PDLIM5: variants seen among roughly 807,000 people sequenced by gnomAD.
PDLIM5 encodes PDZ and LIM domain protein 5.
In PDLIM5, 34 loss-of-function variants were observed where a neutral mutation model predicts 64.2. That is an observed-to-expected ratio of 0.53 (90% CI 0.40 to 0.71). The LOEUF (loss-of-function observed/expected upper bound fraction) is 0.71. Among genes scored for constraint, PDLIM5 ranks in the 30% least tolerant of loss-of-function variants. The probability of loss-of-function intolerance (pLI) is 0.00; values close to 1 mark genes in which losing one functional copy is unlikely to be tolerated. For synonymous variants in PDLIM5, 253 were observed against 269.1 expected (o/e 0.94, Z 0.59); for missense variants, 683 against 733.6 (o/e 0.93, Z 0.80).
At chr4:94,593,108 T>A (rs1031480511) in intron 7 of PDLIM5, among the ~76,000 whole-genome samples, 4 of 152,162 alleles carry the variant, frequency 2.6e-5, no homozygotes, top group African/African-American at 9.7e-5. Flanking sequence ...CTACCGAAGT[T>A]TGAGCTCTTT....
intron 2 of PDLIM5, among the ~76,000 whole-genome samples, chr4:94,501,075 C>T (rs563924070): frequency 7.9e-6 from 1 of 126,308 alleles, no homozygotes; most frequent in Admixed American, 7.6e-5. Context: ...AGCCACTATA[C>T]CTGGCCTTTT....
rs530167915 is a variant in PDLIM5 at position 94,455,632 on chromosome 4, A to G, written c.96+248A>G. 7.7e-5 allele frequency: 53 copies of G among 685,440 alleles called. No individual in the cohort carries two copies. In the African/African-American group the frequency reaches 9.0e-4, roughly 12 times the overall value. The allele number at this position is 685,440 out of a possible 1,614,324, so 42.5% of individuals were successfully genotyped here. A position where few individuals can be genotyped will look rare whatever the true frequency, so the allele number is the denominator to read the frequency against. ...AATAAAATGGAAAAAGCATTTAACT[A>G]GGAACAGACTGTACATTTTTGAACT... On this transcript the variant is annotated intron_variant, in intron 2 of 12. Coordinates refer to ENST00000317968, the MANE Select transcript of PDLIM5 (RefSeq NM_006457.5).
In PDLIM5 at chr4:94,500,463, G is replaced by A. The variant is rs2110081225; in HGVS notation, c.97-23261G>A. On this transcript the variant is annotated intron_variant, in intron 2 of 12. Transcript: ENST00000317968. ...ATATTTGGCCTCAGGAAAGTTTTAT[G>A]TAAGTTATACAGGCATTTTTCATTT... 2.6e-5 allele frequency among the ~76,000 whole-genome samples: 4 copies of A among 152,252 alleles called. No individual in the cohort carries two copies. The South Asian group carries it at 8.3e-4, about 32-fold the overall frequency.
At chr4:94,518,234 A>T (rs1166376507) in intron 2 of PDLIM5, among the ~76,000 whole-genome samples, 1 of 152,194 alleles carries the variant, frequency 6.6e-6, no homozygotes, top group Non-Finnish European at 1.5e-5. Flanking sequence ...TATAATTTTT[A>T]AAAATGAAAG....
chr4:94,536,062 A>G (rs1320710467), intron 3 of PDLIM5, among the ~76,000 whole-genome samples: 7 of 152,122 alleles, frequency 4.6e-5, no homozygotes, highest in Non-Finnish European at 7.4e-5. Context: ...TCACTGGTAA[A>G]AACTTAAAAC....
intron 7 of PDLIM5, among the ~76,000 whole-genome samples, chr4:94,596,126 T>C (rs928395762): frequency 2.6e-5 from 4 of 152,212 alleles, no homozygotes; most frequent in Non-Finnish European, 5.9e-5. Flanking sequence ...CTTCAGTTCC[T>C]TGTGAGACTA....
At chr4:94,473,555 T>G (rs1725064729) in intron 2 of PDLIM5, among the ~76,000 whole-genome samples, 1 of 152,216 alleles carries the variant, frequency 6.6e-6, no homozygotes, top group Non-Finnish European at 1.5e-5. Flanking sequence ...CCACCGCGCC[T>G]GGCCCAGATG....
At chr4:94,610,965 C>T (rs1738316460) in intron 7 of PDLIM5, 2 of 788,480 alleles carry the variant, frequency 2.5e-6, no homozygotes, top group Admixed American at 2.3e-5. Context: ...TCTCCCCACC[C>T]TCTCTCTCGT....
chr4:94,618,313 A>G (rs1310081880), intron 8 of PDLIM5, 122 bp downstream of exon 8: 3 of 565,166 alleles, frequency 5.3e-6, no homozygotes, highest in Non-Finnish European at 6.0e-6. Flanking sequence ...AGATTTAGAA[A>G]GGACTATCAG....
At chr4:94,648,683 C>T (rs1339665847) in intron 9 of PDLIM5, among the ~76,000 whole-genome samples, 4 of 152,228 alleles carry the variant, frequency 2.6e-5, no homozygotes, top group Admixed American at 6.5e-5. Flanking sequence ...ATCATGGTGT[C>T]AGCTGAGCTG....
chr4:94,452,235 G>A (rs1393339476), intron 1 of PDLIM5, among the ~76,000 whole-genome samples: 1 of 152,178 alleles, frequency 6.6e-6, no homozygotes, highest in African/African-American at 2.4e-5. Context: ...AGGCCAGAGG[G>A]CGAGCCCTGG....
chr4:94,662,678 A>C, intron 12 of PDLIM5, 141 bp downstream of exon 12: 2 of 461,682 alleles, frequency 4.3e-6, no homozygotes, highest in Non-Finnish European at 7.8e-6. Context: ...GTAAATTTCG[A>C]AAGTTGTTTA....
At position 94,621,070 on chromosome 4, in the gene PDLIM5, CAAAAAAAAA is replaced by C. The variant is rs10526750; in HGVS notation, c.1108+2899_1108+2907del. Reference sequence around the variant, plus strand: ...TGGGTGGCAGAGTGAGACTCTGTCTCAAAAAAAAAAAAAAAAAAAAAAAAAAAAGCTAGA... The same window carrying C: ...TGGGTGGCAGAGTGAGACTCTGTCTCAAAAAAAAAAAAAAAAAAAGCTAGA... On this transcript the variant is annotated intron_variant, in intron 8 of 12. Transcript: ENST00000317968. Among the ~76,000 whole-genome samples, 388 of 81,606 alleles carry C rather than the reference CAAAAAAAAA, an allele frequency of 4.8e-3. 6 individuals are homozygous for C. The East Asian group carries it at 0.073, about 15-fold the overall frequency. 53.5% of individuals were successfully genotyped at this position (81,606 alleles called of 152,430 possible).
At chr4:94,583,718 G>T (rs73837447) in intron 5 of PDLIM5, among the ~76,000 whole-genome samples, 95 of 152,128 alleles carry the variant, frequency 6.2e-4, no homozygotes, top group African/African-American at 2.2e-3. Context: ...TATTTTTTAT[G>T]ATTTTTTGCA....
At chr4:94,581,596 T>C (rs1454565168) in intron 5 of PDLIM5, among the ~76,000 whole-genome samples, 2 of 152,204 alleles carry the variant, frequency 1.3e-5, no homozygotes, top group African/African-American at 4.8e-5. Context: ...TCTGAGTTTA[T>C]GAAACTGATT....
intron 1 of PDLIM5, among the ~76,000 whole-genome samples, chr4:94,453,559 G>A (rs1723053481): frequency 6.6e-6 from 1 of 152,102 alleles, no homozygotes; most frequent in Non-Finnish European, 1.5e-5. Flanking sequence ...AGAGGAAGTT[G>A]AGCCCAACTT....
At chr4:94,539,200 G>A (rs879878913) in intron 3 of PDLIM5, among the ~76,000 whole-genome samples, 1 of 152,136 alleles carries the variant, frequency 6.6e-6, no homozygotes, top group Non-Finnish European at 1.5e-5. Context: ...TTAGTAATAC[G>A]TGAATAAGTA....
intron 2 of PDLIM5, among the ~76,000 whole-genome samples, chr4:94,491,064 G>A (rs966529297): frequency 6.6e-6 from 1 of 152,104 alleles, no homozygotes; most frequent in South Asian, 2.1e-4. Context: ...ATATGCTAGT[G>A]TGGACCTTGT....
At chr4:94,565,533 CA>C (rs1734244501) in intron 3 of PDLIM5, among the ~76,000 whole-genome samples, 1 of 152,148 alleles carries the variant, frequency 6.6e-6, no homozygotes, top group African/African-American at 2.4e-5. Flanking sequence ...TTTATTTTCT[CA>C]AGACCCACAA....
Sources: allele counts gnomAD v4.1 joint callset (sites outside exome capture counted in the v4.1 genomes callset), GRCh38; gene constraint gnomAD v4.1.1; transcripts MANE v1.5; gene names NCBI Gene and HGNC (gene_info 2026-07-23, HGNC 2026-07-21).